Variants in PANX1 observed in about 807,000 individuals in gnomAD.
PANX1 encodes the protein pannexin-1.
PANX1 carries 30 observed loss-of-function variants against 38.7 expected under a neutral mutation model. The observed-to-expected ratio is 0.78, with a 90% CI of 0.58 to 1.05. PANX1 has a LOEUF of 1.05. Ranked by LOEUF, PANX1 falls within the 50% of genes least tolerant of loss-of-function variation. PANX1 has a pLI of 0.00. For missense variants in PANX1, 551 were observed against 517.2 expected (o/e 1.07, Z -0.63); for synonymous variants, 230 against 212.2 (o/e 1.08, Z -0.73).
rs911266420 is a variant in PANX1 at position 94,164,775 on chromosome 11, G to A, written c.321+11145G>A. On this transcript the variant is annotated intron_variant, in intron 2 of 4. Transcript: ENST00000227638. Reference sequence around the variant, plus strand: ...ATCTGCTCAATACTGAAAGTCGGGCGTGAAGTTCCCGACTATTATTATATT... The same window carrying A: ...ATCTGCTCAATACTGAAAGTCGGGCATGAAGTTCCCGACTATTATTATATT... Among the ~76,000 whole-genome samples the A allele has an allele frequency of 6.6e-5, 10 of 152,244 alleles. No individual in the cohort carries two copies. In the East Asian group the frequency reaches 1.2e-3, roughly 18 times the overall value.
Position 94,179,607 on chromosome 11 carries a change from G to T in PANX1, c.551G>T (p.Trp184Leu), listed in dbSNP as rs1411025865. ...TTGTTTCCTTTATTTTTTAGTTTGTGGGAGGTATCTGAAAGCCACTTCAAG... is the reference window on the plus strand; with the variant it reads ...TTGTTTCCTTTATTTTTTAGTTTGTTGGAGGTATCTGAAAGCCACTTCAAG... ...GVTENLGQSLWEVSESHFKYP... is the reference protein window; with the variant it reads ...GVTENLGQSLLEVSESHFKYP... Residue 184 changes from tryptophan (W) to leucine (L), a missense_variant, in exon 4 of 5, where the codon TGG becomes TTG. Coordinates refer to ENST00000227638, the MANE Select transcript of PANX1 (RefSeq NM_015368.4). 2 of 1,611,732 alleles carry T rather than the reference G, an allele frequency of 1.2e-6. No homozygotes were observed. The highest frequency in any genetic ancestry group is 1.7e-6 in the Non-Finnish European group (2 of 1,178,290).
intron 2 of PANX1, among the ~76,000 whole-genome samples, chr11:94,172,433 G>T (rs181781681): frequency 6.6e-6 from 1 of 151,814 alleles, no homozygotes; most frequent in South Asian, 2.1e-4. Flanking sequence ...GATAACTGAG[G>T]TTTGTGGTCT....
Position 94,178,903 on chromosome 11 carries a change from G to C in PANX1, c.545+311G>C, listed in dbSNP as rs374857222. ...CAGATTGAGGTGCTATATGAAGCTT[G>C]CTTGCTTTGATCTATTTAACTCCTT... On this transcript the variant is annotated intron_variant, in intron 3 of 4. Transcript: ENST00000227638. Among the ~76,000 whole-genome samples, 5 of 152,142 alleles carry C rather than the reference G, an allele frequency of 3.3e-5. No individual in the cohort carries two copies. In the East Asian group the frequency reaches 9.6e-4, roughly 29 times the overall value.
intron 2 of PANX1, among the ~76,000 whole-genome samples, chr11:94,156,384 T>A (rs576802412): frequency 5.3e-5 from 8 of 152,322 alleles, no homozygotes; most frequent in African/African-American, 1.7e-4. Context: ...TATCTAAGTT[T>A]CTCAGCAGAG....
At chr11:94,149,869 C>T (rs1255773276) in intron 1 of PANX1, among the ~76,000 whole-genome samples, 2 of 152,154 alleles carry the variant, frequency 1.3e-5, no homozygotes, top group Non-Finnish European at 2.9e-5. Context: ...ACTTTCAAAG[C>T]ACCAGACAGA....
At chr11:94,142,743 T>C (rs1251782848) in intron 1 of PANX1, among the ~76,000 whole-genome samples, 1 of 152,218 alleles carries the variant, frequency 6.6e-6, no homozygotes, top group African/African-American at 2.4e-5. Context: ...TATGGTACCA[T>C]GTACATAATA....
At chr11:94,161,440 A>G (rs901622223) in intron 2 of PANX1, among the ~76,000 whole-genome samples, 6 of 151,986 alleles carry the variant, frequency 3.9e-5, no homozygotes, top group South Asian at 2.1e-4. Context: ...TTTTTTCTCT[A>G]AACTTCTCTT....
At chr11:94,137,419 T>C (rs1207555631) in intron 1 of PANX1, among the ~76,000 whole-genome samples, 2 of 152,194 alleles carry the variant, frequency 1.3e-5, no homozygotes, top group Non-Finnish European at 2.9e-5. Flanking sequence ...TTTCTGCAGC[T>C]GGTTGCTTTC....
intron 1 of PANX1, among the ~76,000 whole-genome samples, chr11:94,146,621 C>G (rs1043319343): frequency 2.0e-5 from 3 of 152,230 alleles, no homozygotes. Context: ...CTCGGGATTC[C>G]TGCCAGCAAT....
intron 2 of PANX1, among the ~76,000 whole-genome samples, chr11:94,166,374 G>T (rs1317390242): frequency 6.6e-6 from 1 of 152,114 alleles, no homozygotes; most frequent in South Asian, 2.1e-4. Context: ...GCTTTTGTTT[G>T]TCTGGGAAAG....
At chr11:94,147,292 A>AAT (rs1946837891) in intron 1 of PANX1, among the ~76,000 whole-genome samples, 1 of 152,134 alleles carries the variant, frequency 6.6e-6, no homozygotes, top group South Asian at 2.1e-4. Context: ...ACAAAAGTAA[A>AAT]ATATATATAT....
At chr11:94,162,628 T>G (rs1308603253) in intron 2 of PANX1, among the ~76,000 whole-genome samples, 1 of 152,196 alleles carries the variant, frequency 6.6e-6, no homozygotes, top group Non-Finnish European at 1.5e-5. Flanking sequence ...CCCCTTTCTT[T>G]GACTAGGAAA....
Position 94,178,525 on chromosome 11 carries a change from G to A in PANX1, c.478G>A (p.Ala160Thr), listed in dbSNP as rs1482346022. 4 of 1,613,978 alleles carry A rather than the reference G, an allele frequency of 2.5e-6. No homozygotes were observed. In the South Asian group the frequency reaches 3.3e-5, roughly 13 times the overall value. ...CCGTGCAATTAAGGCTGCAAAGAGT[G>A]CGCGTGACCTTGACATGAGAGATGG... The part of the protein sequence containing the change: ...YNRAIKAAKS[A>T]RDLDMRDGAC... The change falls in exon 3 of 5, where the codon GCG becomes ACG. Residue 160 changes from alanine (A) to threonine (T), a missense_variant. Coordinates refer to ENST00000227638, the MANE Select transcript of PANX1 (RefSeq NM_015368.4).
intron 1 of PANX1, among the ~76,000 whole-genome samples, chr11:94,141,907 C>T (rs1006753268): frequency 2.0e-5 from 3 of 152,144 alleles, no homozygotes; most frequent in Admixed American, 1.3e-4. Flanking sequence ...GTGTCTGGTA[C>T]GTAGGAAGCA....
intron 1 of PANX1, among the ~76,000 whole-genome samples, chr11:94,146,403 T>C (rs1316376641): frequency 1.3e-5 from 2 of 152,246 alleles, no homozygotes; most frequent in Admixed American, 6.5e-5. Flanking sequence ...TGGGTGAAAG[T>C]GTGTTCTGGG....
chr11:94,137,615 G>A (rs535100921), intron 1 of PANX1, among the ~76,000 whole-genome samples: 2 of 148,180 alleles, frequency 1.3e-5, no homozygotes, highest in Non-Finnish European at 3.0e-5. Context: ...GGAGAAGGGG[G>A]CCTAAAGAGA....
At chr11:94,151,032 A>G (rs192334946) in intron 1 of PANX1, among the ~76,000 whole-genome samples, 6 of 152,246 alleles carry the variant, frequency 3.9e-5, no homozygotes, top group African/African-American at 1.4e-4. Context: ...TTACTGAACT[A>G]CTTGGAGCTT....
intron 2 of PANX1, among the ~76,000 whole-genome samples, chr11:94,176,133 C>T (rs1947229742): frequency 6.6e-6 from 1 of 151,660 alleles, no homozygotes; most frequent in African/African-American, 2.4e-5. Context: ...CAGAAAATCA[C>T]AGATATCCTG....
intron 2 of PANX1, among the ~76,000 whole-genome samples, chr11:94,155,445 T>C (rs1946939136): frequency 6.7e-6 from 1 of 148,930 alleles, no homozygotes; most frequent in Admixed American, 6.7e-5. Flanking sequence ...ATGCGGGAGG[T>C]AGAGGTTGAA....
Sources: allele counts gnomAD v4.1 joint callset (sites outside exome capture counted in the v4.1 genomes callset), GRCh38; gene constraint gnomAD v4.1.1; transcripts MANE v1.5; gene names NCBI Gene and HGNC (gene_info 2026-07-23, HGNC 2026-07-21).